ASB6: variants seen among roughly 807,000 people sequenced by gnomAD.
ASB6 encodes the protein ankyrin repeat and SOCS box protein 6.
ASB6 carries 24 observed loss-of-function variants against 28.6 expected under a neutral mutation model. The ratio of observed to expected loss-of-function variants is 0.84; its 90% CI spans 0.61 to 1.18. The LOEUF (loss-of-function observed/expected upper bound fraction) is 1.18. Among genes scored for constraint, ASB6 ranks in the 50% most tolerant of loss-of-function variants. The probability of loss-of-function intolerance (pLI) is 0.00; values close to 1 mark genes in which losing one functional copy is unlikely to be tolerated. For missense variants in ASB6, 519 were observed against 559.8 expected (o/e 0.93, Z 0.74); for synonymous variants, 267 against 243.4 (o/e 1.10, Z -0.90).
intron 2 of ASB6, 33 bp downstream of exon 2, chr9:129,640,508 A>C: frequency 6.3e-7 from 1 of 1,586,932 alleles, no homozygotes; most frequent in South Asian, 1.1e-5. Flanking sequence ...GCCGCGTTTA[A>C]GCCACCTGCC....
rs200467856 is a variant in ASB6 at position 129,640,742 on chromosome 9, G to A, written c.114-20C>T. The A allele has an allele frequency of 3.3e-4, 527 of 1,613,426 alleles. No homozygotes were observed. The highest frequency in any genetic ancestry group is 4.2e-4 in the Non-Finnish European group (490 of 1,179,852). ...CTGGGCCTGGGACAGGAGAGAGGCTGAGGGTAGGCACAGCTGTGGGACCGG... is the reference window on the plus strand; with the variant it reads ...CTGGGCCTGGGACAGGAGAGAGGCTAAGGGTAGGCACAGCTGTGGGACCGG... On this transcript the variant is annotated intron_variant, in intron 1 of 5. Transcript: ENST00000277458.
At chr9:129,639,561 G>T (rs1831643371) in intron 2 of ASB6, 53 bp from the exon 3 acceptor site, 2 of 1,522,540 alleles carry the variant, frequency 1.3e-6, no homozygotes, top group Admixed American at 3.7e-5. Context: ...ATTCTTATGG[G>T]GCCCCCGGAC....
rs745455005 is a variant in ASB6, at chr9:129,639,385, CT to C, written c.402+16del. ...CTGCCCAACCCTGCTTCAAAGCAAG[CT>C]GGACCTGGCACTTACCCGGTCCCTC... On this transcript the variant is annotated intron_variant, in intron 3 of 5. Coordinates refer to ENST00000277458, the MANE Select transcript of ASB6 (RefSeq NM_017873.4). 21 of 1,603,066 alleles carry C rather than the reference CT, an allele frequency of 1.3e-5. No homozygotes were observed. The African/African-American group carries it at 2.8e-4, about 21-fold the overall frequency.
chr9:129,640,398 T>G (rs1831666400), intron 2 of ASB6, 143 bp downstream of exon 2: 2 of 1,198,134 alleles, frequency 1.7e-6, no homozygotes, highest in East Asian at 2.8e-5. Flanking sequence ...CAATGGGAGT[T>G]TCCTTAGTTG....
rs1831599717 is a variant in ASB6, at chr9:129,638,073, G to A, written c.983C>T (p.Thr328Ile). Residue 328 changes from threonine to isoleucine, a missense_variant, in exon 6 of 6, where the codon ACT becomes ATT. Transcript: ENST00000277458. Reference sequence around the variant, plus strand: ...GTTGGTCACCATGAGATCCAGGACAGTCTCAGCTTTGCGCAGGAGGTCCGC... The same window carrying A: ...GTTGGTCACCATGAGATCCAGGACAATCTCAGCTTTGCGCAGGAGGTCCGC... ...SHADLLRKAE[T>I]VLDLMVTNSQ... 1 of 1,614,218 alleles carries A rather than the reference G, an allele frequency of 6.2e-7. No individual in the cohort carries two copies.
rs1588147469 is a variant in ASB6 at position 129,635,872 on chromosome 9, C to T, written c.*1918G>A. On this transcript the variant is annotated 3_prime_UTR_variant, in exon 6 of 6. Coordinates refer to ENST00000277458, the MANE Select transcript of ASB6 (RefSeq NM_017873.4). ...TTGGTTGCTGGGGACTTGAAGACTT[C>T]AGTGTGATCTTTACCTAGGGGAGGG... 2.4e-5 allele frequency: 5 copies of T among 211,874 alleles called. No individual in the cohort carries two copies. The East Asian group carries it at 6.8e-4, about 29-fold the overall frequency. The allele number at this position is 211,874 out of a possible 1,614,324, so 13.1% of individuals were successfully genotyped here. A position where few individuals can be genotyped will look rare whatever the true frequency, so the allele number is the denominator to read the frequency against.
rs1023799002 is a variant in ASB6, at chr9:129,640,647, G to C, written c.189C>G (p.Pro63=). ...TELLERKAHS[P]FYQEGVSNAL... ...CGTTGCTCACGCCTTCCTGGTAAAA[G>C]GGAGAGTGGGCTTTCCTCTCCAGCA... is the stretch of plus-strand genomic sequence containing the variant. Residue 63 remains proline, a synonymous_variant, in exon 2 of 6, where the codon CCC becomes CCG. Transcript: ENST00000277458. The C allele has an allele frequency of 2.5e-6, 4 of 1,614,144 alleles. No homozygotes were observed. Among genetic ancestry groups the C allele is most frequent in the Non-Finnish European group, 3.4e-6 (4 of 1,180,008 alleles).
chr9:129,640,514 C>G (rs1242536143), intron 2 of ASB6, 27 bp downstream of exon 2: 2 of 1,589,784 alleles, frequency 1.3e-6, no homozygotes, highest in African/African-American at 2.7e-5. Context: ...TTTAAGCCAC[C>G]TGCCCACCCC....
At chr9:129,640,851 G>A (rs577173847) in intron 1 of ASB6, 129 bp from the exon 2 acceptor site, 1 of 1,121,426 alleles carries the variant, frequency 8.9e-7, no homozygotes, top group Non-Finnish European at 1.3e-6. Context: ...GGGTCACAGG[G>A]GCTTGGGGGA....
chr9:129,638,159 G>A lies in ASB6; in HGVS notation c.897C>T (p.Gly299=). 6.2e-7 allele frequency: 1 copy of A among 1,613,930 alleles called. No homozygotes were observed. Among genetic ancestry groups the A allele is most frequent in the African/African-American group, 1.3e-5 (1 of 75,030 alleles). Residue 299 remains glycine, a synonymous_variant, in exon 6 of 6, where the codon GGC becomes GGT. Transcript: ENST00000277458. The part of the protein sequence containing the change: ...CSLHGASCWS[G]FHIIFERLCS... ...AGAGCCTCTCAAAGATGATGTGAAA[G>A]CCAGACCAGCAGGACGCACCGTGCA...
Position 129,639,323 on chromosome 9 carries a change from A to C in ASB6, c.403-13T>G, listed in dbSNP as rs1221220863. On this transcript the variant is annotated splice_polypyrimidine_tract_variant and intron_variant, in intron 3 of 5. Coordinates refer to ENST00000277458, the MANE Select transcript of ASB6 (RefSeq NM_017873.4). ...TACTCTCGTGGATCTGAGCCAAGGAAGCACAGCCAGGTTGGCTTGGGAAGC... is the reference window on the plus strand; with the variant it reads ...TACTCTCGTGGATCTGAGCCAAGGACGCACAGCCAGGTTGGCTTGGGAAGC... 6.2e-7 allele frequency: 1 copy of C among 1,607,166 alleles called. No homozygotes were observed. Among genetic ancestry groups the C allele is most frequent in the African/African-American group, 1.3e-5 (1 of 74,836 alleles).
In ASB6 at chr9:129,635,446, T is replaced by C. The variant is rs772438141; in HGVS notation, c.*2344A>G. On this transcript the variant is annotated 3_prime_UTR_variant, in exon 6 of 6. Transcript: ENST00000277458. ...TCCCCGATGAGATCTACCATGTCTA[T>C]AGCTTTGCCCTGAGATGAGCCGGGG... The C allele has an allele frequency of 6.8e-6, 11 of 1,612,604 alleles. No homozygotes were observed. The highest frequency in any genetic ancestry group is 4.5e-5 in the East Asian group (2 of 44,852).
chr9:129,635,700 T>C lies in ASB6; in HGVS notation c.*2090A>G, dbSNP rs1831512940. ...GCCCAGACCCTGCTCTCCTGCGAGATGGGATTGGGTGGAAGGGGCTCCAGG... is the reference window on the plus strand; with the variant it reads ...GCCCAGACCCTGCTCTCCTGCGAGACGGGATTGGGTGGAAGGGGCTCCAGG... On this transcript the variant is annotated 3_prime_UTR_variant, in exon 6 of 6. Coordinates refer to ENST00000277458, the MANE Select transcript of ASB6 (RefSeq NM_017873.4). 2 of 510,486 alleles carry C rather than the reference T, an allele frequency of 3.9e-6. No homozygotes were observed. The allele number at this position is 510,486 out of a possible 1,614,324, so 31.6% of individuals were successfully genotyped here. A position where few individuals can be genotyped will look rare whatever the true frequency, so the allele number is the denominator to read the frequency against.
rs1831589735 is a variant in ASB6, at chr9:129,637,741, A to C, written c.*49T>G. 1 of 1,449,780 alleles carries C rather than the reference A, an allele frequency of 6.9e-7. No homozygotes were observed. Among genetic ancestry groups the C allele is most frequent in the African/African-American group, 1.4e-5 (1 of 70,276 alleles). 89.8% of individuals were successfully genotyped at this position (1,449,780 alleles called of 1,614,324 possible). A position where few individuals can be genotyped will look rare whatever the true frequency, so the allele number is the denominator to read the frequency against. On this transcript the variant is annotated 3_prime_UTR_variant, in exon 6 of 6. Coordinates refer to ENST00000277458, the MANE Select transcript of ASB6 (RefSeq NM_017873.4). Reference sequence around the variant, plus strand: ...TAATGCTGTCCCAGCATCTACCAACAGGCTGACCTGAGCTGCCCGTGTCCC... The same window carrying C: ...TAATGCTGTCCCAGCATCTACCAACCGGCTGACCTGAGCTGCCCGTGTCCC...
chr9:129,637,959 C>T lies in ASB6; in HGVS notation c.1097G>A (p.Arg366Lys). ...EKIQALHFSL[R>K]QLESYPPPLK... ...GGGCGGGGGATAGCTCTCCAGCTGC[C>T]TCAAGGAGAAGTGGAGGGCCTGGAT... Residue 366 changes from arginine to lysine, a missense_variant, in exon 6 of 6, where the codon AGG becomes AAG. By Grantham distance (26) the Arg-to-Lys change is conservative. Transcript: ENST00000277458. 1.9e-6 allele frequency: 3 copies of T among 1,600,012 alleles called. No individual in the cohort carries two copies. Among genetic ancestry groups the T allele is most frequent in the East Asian group, 4.5e-5 (2 of 44,766 alleles).
rs1831587720 is a variant in ASB6 at position 129,637,628 on chromosome 9, C to G, written c.*162G>C. 1.5e-6 allele frequency: 1 copy of G among 667,158 alleles called. No homozygotes were observed. The highest frequency in any genetic ancestry group is 1.8e-5 in the African/African-American group (1 of 54,838). 41.3% of individuals were successfully genotyped at this position (667,158 alleles called of 1,614,324 possible). A position where few individuals can be genotyped will look rare whatever the true frequency, so the allele number is the denominator to read the frequency against. On this transcript the variant is annotated 3_prime_UTR_variant, in exon 6 of 6. Transcript: ENST00000277458. ...AGAACCAGAGCTGCACCCTTCACCA[C>G]TGGAGTGATCACAGCTTCAGGCTCT...
chr9:129,639,455 C>T lies in ASB6; in HGVS notation c.349G>A (p.Asp117Asn). The change falls in exon 3 of 6, where the codon GAC becomes AAC. Residue 117 changes from aspartate (D) to asparagine (N), a missense_variant. By Grantham distance (23) the Asp-to-Asn change is conservative. Transcript: ENST00000277458. The stretch of plus-strand genomic sequence containing the variant: ...TGATGCACCAGCAGCTCCACCATGT[C>T]CGGCTGGTTCCGCAGGACGGCGATG... The part of the protein sequence containing the change: ...LHIAVLRNQP[D>N]MVELLVHHGA... The T allele has an allele frequency of 2.5e-6, 4 of 1,613,854 alleles. No homozygotes were observed. Among genetic ancestry groups the T allele is most frequent in the South Asian group, 1.1e-5 (1 of 91,038 alleles).
rs1349404057 is a variant in ASB6 at position 129,634,878 on chromosome 9, C to CAA, written c.*2910_*2911dup. ...GTCTCTCTGGGAGCTCCTGCAATGC[C>CAA]AAACTCTTAGCCCAGGTTCACTCCT... On this transcript the variant is annotated 3_prime_UTR_variant, in exon 6 of 6. Coordinates refer to ENST00000277458, the MANE Select transcript of ASB6 (RefSeq NM_017873.4). 3.0e-6 allele frequency: 1 copy of CAA among 332,456 alleles called. No homozygotes were observed. Among genetic ancestry groups the CAA allele is most frequent in the Non-Finnish European group, 5.6e-6 (1 of 177,492 alleles). The allele number at this position is 332,456 out of a possible 1,614,324, so 20.6% of individuals were successfully genotyped here.
chr9:129,642,131 C>G lies in ASB6; in HGVS notation c.-132G>C, dbSNP rs1359259216. 11 of 1,335,578 alleles carry G rather than the reference C, an allele frequency of 8.2e-6. No homozygotes were observed. In the East Asian group the frequency reaches 2.2e-4, roughly 27 times the overall value. The allele number at this position is 1,335,578 out of a possible 1,614,324, so 82.7% of individuals were successfully genotyped here. ...GTCCAGCCCCTGCGCCCGGCCGGGT[C>G]CGCTCCTCAGTCCAAGCCGCGCCCC... On this transcript the variant is annotated 5_prime_UTR_variant, in exon 1 of 6. Transcript: ENST00000277458. The surrounding 1 kb of genome is among the most constrained non-coding windows in gnomAD (Gnocchi z 4.3).
Sources: gnomAD v4.1 joint callset for allele counts on GRCh38, gnomAD v4.1.1 for gene constraint, Gnocchi (gnomAD v3.1) non-coding constraint, MANE v1.5 for transcripts, NCBI Gene and HGNC (gene_info 2026-07-23, HGNC 2026-07-21) for gene names.